The following CSF2RA variants were observed in gnomAD, a reference collection of about 807,000 sequenced individuals.
CSF2RA encodes colony stimulating factor 2 receptor subunit alpha, also known as granulocyte-macrophage colony-stimulating factor receptor subunit alpha.
In CSF2RA, 42 loss-of-function variants were observed where a neutral mutation model predicts 51.6. The ratio of observed to expected loss-of-function variants is 0.81; its 90% CI spans 0.64 to 1.05. The LOEUF is 1.05. CSF2RA is among the 50% of genes least tolerant of loss of function. CSF2RA has a pLI of 0.00. For missense variants in CSF2RA, 530 were observed against 501.1 expected, an observed-to-expected ratio of 1.06 and a Z score of -0.55; for synonymous variants, 222 against 193.0, an observed-to-expected ratio of 1.15 and a Z score of -1.24.
Position 1,303,914 on chromosome X carries a change from TC to T in CSF2RA, c.947-8del. The T allele has an allele frequency of 1.2e-6, 2 of 1,605,628 alleles. No homozygotes were observed. The highest frequency in any genetic ancestry group is 2.2e-5 in the South Asian group (2 of 90,918). On this transcript the variant is annotated splice_polypyrimidine_tract_variant and splice_region_variant and intron_variant, in intron 10 of 12. Transcript: ENST00000381529. ...TTCACCGCAGACGCAAACCTGTGTG[TC>T]TCTCCAGGTTCTGACGACGGGAACC...
chrX:1,296,275 A>G (rs1165096144), intron 9 of CSF2RA, among the ~76,000 whole-genome samples: 1 of 146,346 alleles, frequency 6.8e-6, no homozygotes, highest in Non-Finnish European at 1.5e-5. Flanking sequence ...ACAGTCTCCT[A>G]CCCATGACCC....
intron 1 of CSF2RA, among the ~76,000 whole-genome samples, chrX:1,273,578 C>T (rs1258253139): frequency 1.3e-5 from 2 of 151,730 alleles, no homozygotes; most frequent in African/African-American, 2.4e-5. Flanking sequence ...ATCCAACCGC[C>T]TCGGCCTCCC....
chrX:1,300,090 G>A, intron 9 of CSF2RA, among the ~76,000 whole-genome samples: 1 of 152,082 alleles, frequency 6.6e-6, no homozygotes, highest in East Asian at 1.9e-4. Context: ...GTGGTGGTGG[G>A]CACCTGTAGT....
At chrX:1,280,848 C>A (rs2089824263) in intron 2 of CSF2RA, among the ~76,000 whole-genome samples, 1 of 50,194 alleles carries the variant, frequency 2.0e-5, no homozygotes, top group African/African-American at 9.0e-5. Flanking sequence ...CCTCCTTCCT[C>A]TCCTTCTCCT....
At chrX:1,323,380 G>A in the CSF2RA span, among the ~76,000 whole-genome samples, 1 of 151,944 alleles carries the variant, frequency 6.6e-6, no homozygotes. Flanking sequence ...CCCAGTTCCT[G>A]TTATTAAACG....
At chrX:1,269,018 G>A (rs1400953577) in intron 1 of CSF2RA, 139 bp downstream of exon 1, 2 of 386,916 alleles carry the variant, frequency 5.2e-6, no homozygotes, top group Non-Finnish European at 1.0e-5. Flanking sequence ...GCCGAAGTGG[G>A]GACAGCGGCC....
At chrX:1,323,429 G>C in the CSF2RA span, among the ~76,000 whole-genome samples, 1 of 152,076 alleles carries the variant, frequency 6.6e-6, no homozygotes, top group Non-Finnish European at 1.5e-5. Context: ...GATGGCTGCA[G>C]AGAGGAGCAT....
At chrX:1,279,529 A>G (rs1220015485) in intron 2 of CSF2RA, among the ~76,000 whole-genome samples, 1 of 151,766 alleles carries the variant, frequency 6.6e-6, no homozygotes, top group Non-Finnish European at 1.5e-5. Flanking sequence ...CAGACAGAAC[A>G]TGCATCTCTA....
rs1454494147 is a variant in CSF2RA at position 1,300,609 on chromosome X, G to A, written c.929G>A (p.Ser310Asn). The A allele has an allele frequency of 1.2e-6, 2 of 1,613,908 alleles. No homozygotes were observed. Among genetic ancestry groups the A allele is most frequent in the Admixed American group, 3.3e-5 (2 of 59,982 alleles). ...CGCATCTTGAATTGGAGCTCCTGGAGTGAAGCCATTGAATTTGGTAAGCGT... is the reference window on the plus strand; with the variant it reads ...CGCATCTTGAATTGGAGCTCCTGGAATGAAGCCATTGAATTTGGTAAGCGT... ...DVRILNWSSWSEAIEFGSDDG... is the reference protein window; with the variant it reads ...DVRILNWSSWNEAIEFGSDDG... The change falls in exon 10 of 13, where the codon AGT becomes AAT. Residue 310 changes from serine (S) to asparagine (N), a missense_variant. Transcript: ENST00000381529.
At chrX:1,314,867 A>AT (rs1569515058), downstream of CSF2RA, among the ~76,000 whole-genome samples, 2 of 80,644 alleles carry the variant, frequency 2.5e-5, no homozygotes, top group African/African-American at 4.0e-5. Context: ...CACCTGCCCA[A>AT]CCGCACTGCA....
chrX:1,299,428 T>C (rs1314639683), intron 9 of CSF2RA, among the ~76,000 whole-genome samples: 1 of 152,146 alleles, frequency 6.6e-6, no homozygotes, highest in Non-Finnish European at 1.5e-5. Context: ...TTTATTTATG[T>C]ATGTATTTAT....
At chrX:1,270,681 C>T (rs1413870117) in intron 1 of CSF2RA, among the ~76,000 whole-genome samples, 4 of 151,572 alleles carry the variant, frequency 2.6e-5, no homozygotes, top group Non-Finnish European at 5.9e-5. Flanking sequence ...ACATATCTTG[C>T]GTCAGGAATG....
intron 3 of CSF2RA, among the ~76,000 whole-genome samples, chrX:1,284,248 G>C (rs1195184899): frequency 5.8e-5 from 8 of 139,054 alleles, no homozygotes; most frequent in Non-Finnish European, 1.2e-4. Context: ...CTGTCTCCCA[G>C]GCTGGAGTGC....
intron 2 of CSF2RA, among the ~76,000 whole-genome samples, chrX:1,279,481 C>A (rs1368974313): frequency 1.3e-5 from 2 of 152,046 alleles, no homozygotes; most frequent in African/African-American, 4.8e-5. Context: ...TTACCACCAC[C>A]TGGGGAGTTG....
downstream of CSF2RA, chrX:1,310,142 G>GCACAA (rs2084095961): frequency 4.3e-6 from 1 of 233,900 alleles, no homozygotes; most frequent in African/African-American, 2.3e-5. Flanking sequence ...AGCTATGATT[G>GCACAA]CACCGTTGCA....
At chrX:1,289,824 G>A (rs1325944047) in intron 6 of CSF2RA, among the ~76,000 whole-genome samples, 5 of 99,842 alleles carry the variant, frequency 5.0e-5, no homozygotes, top group South Asian at 6.6e-4. Context: ...GTTTTGTTTT[G>A]TGTTTGTTTT....
intron 9 of CSF2RA, among the ~76,000 whole-genome samples, chrX:1,299,466 C>T (rs1472519929): frequency 2.0e-5 from 3 of 152,102 alleles, no homozygotes; most frequent in African/African-American, 7.2e-5. Context: ...GCTCTGTCCC[C>T]CAGGCTGGAG....
rs1490851335 is a variant in CSF2RA, at chrX:1,274,777, A to G, written c.-68A>G. On this transcript the variant is annotated 5_prime_UTR_variant, in exon 2 of 13. Transcript: ENST00000381529. ...CAGTTTACAGCAGGAAAATCCGTGG[A>G]GACAGCAGATCCGAGAAGCGGCGAT... 1 of 453,390 alleles carries G rather than the reference A, an allele frequency of 2.2e-6. No homozygotes were observed. The highest frequency in any genetic ancestry group is 4.4e-6 in the Non-Finnish European group (1 of 226,694). The allele number at this position is 453,390 out of a possible 1,614,324, so 28.1% of individuals were successfully genotyped here. A position where few individuals can be genotyped will look rare whatever the true frequency, so the allele number is the denominator to read the frequency against.
At chrX:1,284,018 C>G (rs2090348640) in intron 3 of CSF2RA, among the ~76,000 whole-genome samples, 1 of 150,572 alleles carries the variant, frequency 6.6e-6, no homozygotes, top group South Asian at 2.1e-4. Context: ...TTTTTGTGAC[C>G]TGGTTCAGGG....
Sources: allele counts gnomAD v4.1 joint callset (sites outside exome capture counted in the v4.1 genomes callset), GRCh38; gene constraint gnomAD v4.1.1; transcripts MANE v1.5; gene names NCBI Gene and HGNC (gene_info 2026-07-23, HGNC 2026-07-21).